GPC6: variants seen among roughly 807,000 people sequenced by gnomAD.
GPC6 encodes glypican-6.
A neutral mutation model predicts 55.2 loss-of-function variants in GPC6; 14 were observed. The ratio of observed to expected loss-of-function variants is 0.25; its 90% CI spans 0.17 to 0.40. GPC6 has a LOEUF of 0.40. Ranked by LOEUF, GPC6 falls within the 10% of genes least tolerant of loss-of-function variation. The pLI is 1.00. For missense variants in GPC6, 641 were observed against 708.5 expected, an observed-to-expected ratio of 0.90 and a Z score of 1.08; for synonymous variants, 278 against 259.6, an observed-to-expected ratio of 1.07 and a Z score of -0.68.
intron 4 of GPC6, among the ~76,000 whole-genome samples, chr13:94,031,642 C>G (rs1883144429): frequency 6.6e-6 from 1 of 152,188 alleles, no homozygotes; most frequent in Admixed American, 6.5e-5. Context: ...TTATCCCAGC[C>G]TAGCTTTTGC....
chr13:93,439,699 T>TAAAATAAAATAAAATAAAATAAAATAAA (rs1566358104), intron 1 of GPC6, among the ~76,000 whole-genome samples: 7 of 136,486 alleles, frequency 5.1e-5, no homozygotes, highest in African/African-American at 2.2e-4. Context: ...ATAAAAAAAA[T>TAAAATAAAATAAAATAAAATAAAATAAA]AAAATAAAAT....
At chr13:93,476,608 T>C (rs1482683904) in intron 1 of GPC6, among the ~76,000 whole-genome samples, 1 of 152,222 alleles carries the variant, frequency 6.6e-6, no homozygotes, top group Non-Finnish European at 1.5e-5. Context: ...TGTTGATTAC[T>C]GTAAGTGCTT....
intron 2 of GPC6, among the ~76,000 whole-genome samples, chr13:93,779,583 C>T (rs187508010): frequency 3.1e-4 from 47 of 152,220 alleles, no homozygotes; most frequent in African/African-American, 9.9e-4. Context: ...TCATGTGATC[C>T]GGGTTCTGTG....
Position 93,967,344 on chromosome 13 carries a change from A to C in GPC6, c.712-60385A>C, listed in dbSNP as rs540414448. On this transcript the variant is annotated intron_variant, in intron 3 of 8. Transcript: ENST00000377047. ...GATTAAAGTATTTGCCACGATGTAC[A>C]AAAGTAGTAGTTTCAATTTTGAATA... 2.0e-5 allele frequency among the ~76,000 whole-genome samples: 3 copies of C among 152,332 alleles called. No individual in the cohort carries two copies. In the East Asian group the frequency reaches 5.8e-4, roughly 29 times the overall value.
chr13:93,706,456 C>T (rs1288914060), intron 2 of GPC6, among the ~76,000 whole-genome samples: 3 of 151,838 alleles, frequency 2.0e-5, no homozygotes, highest in Non-Finnish European at 4.4e-5. Context: ...TGCATGTAAT[C>T]ACTTTAATAA....
intron 1 of GPC6, among the ~76,000 whole-genome samples, chr13:93,231,447 GTAT>G (rs201384982): frequency 0.012 from 1,524 of 125,874 alleles, 19 homozygotes; most frequent in Non-Finnish European, 0.018. Context: ...ATATAGTCTG[GTAT>G]TATTAATCAC....
intron 3 of GPC6, among the ~76,000 whole-genome samples, chr13:93,880,483 C>T (rs187896138): frequency 1.2e-4 from 18 of 152,174 alleles, no homozygotes; most frequent in African/African-American, 3.4e-4. Flanking sequence ...CCAAACACCG[C>T]ATATTCTCAC....
intron 4 of GPC6, among the ~76,000 whole-genome samples, chr13:94,222,984 T>C (rs367968812): frequency 2.0e-5 from 3 of 152,110 alleles, no homozygotes; most frequent in Non-Finnish European, 4.4e-5. Context: ...AACTCTTCTT[T>C]ACTGAATATG....
chr13:93,892,984 T>A (rs1215978664), intron 3 of GPC6, among the ~76,000 whole-genome samples: 1 of 86,824 alleles, frequency 1.2e-5, no homozygotes, highest in Non-Finnish European at 2.9e-5. Flanking sequence ...TTAAAAAGCA[T>A]TTAATGCATA....
intron 4 of GPC6, among the ~76,000 whole-genome samples, chr13:94,185,742 A>G (rs867036367): frequency 6.6e-6 from 1 of 152,154 alleles, no homozygotes; most frequent in African/African-American, 2.4e-5. Flanking sequence ...CGTGGAGCTC[A>G]GTGCTGAAGA....
At chr13:93,961,607 G>T (rs1879779937) in intron 3 of GPC6, among the ~76,000 whole-genome samples, 1 of 152,202 alleles carries the variant, frequency 6.6e-6, no homozygotes, top group Admixed American at 6.5e-5. Flanking sequence ...TCCTTTTAGT[G>T]ATGAAGGGAA....
chr13:93,297,333 T>G (rs929982824), intron 1 of GPC6, among the ~76,000 whole-genome samples: 5 of 152,134 alleles, frequency 3.3e-5, no homozygotes, highest in Non-Finnish European at 7.4e-5. Context: ...GATAAATAGC[T>G]AATGCATGTG....
chr13:94,278,764 C>G (rs540510455), intron 4 of GPC6, among the ~76,000 whole-genome samples: 1 of 152,140 alleles, frequency 6.6e-6, no homozygotes, highest in East Asian at 1.9e-4. Flanking sequence ...GTTGAGCCAG[C>G]CTTGCATCCC....
intron 4 of GPC6, among the ~76,000 whole-genome samples, chr13:94,156,173 C>T (rs1887929708): frequency 6.6e-6 from 1 of 152,032 alleles, no homozygotes; most frequent in Non-Finnish European, 1.5e-5. Context: ...CCAAATGAAA[C>T]AGGGTAAACT....
At chr13:94,330,148 CTCT>C (rs1877334008) in intron 6 of GPC6, among the ~76,000 whole-genome samples, 4 of 152,324 alleles carry the variant, frequency 2.6e-5, no homozygotes, top group South Asian at 4.1e-4. Context: ...CCCACCTTTC[CTCT>C]TCTTCTCTCT....
intron 1 of GPC6, among the ~76,000 whole-genome samples, chr13:93,283,582 G>C (rs1878019474): frequency 6.6e-6 from 1 of 152,050 alleles, no homozygotes. Context: ...TTCATTATTG[G>C]CAAAGAACAA....
chr13:93,947,901 G>A (rs1463412126), intron 3 of GPC6, among the ~76,000 whole-genome samples: 1 of 152,136 alleles, frequency 6.6e-6, no homozygotes, highest in Non-Finnish European at 1.5e-5. Flanking sequence ...CTCCGTGATA[G>A]AAGGGCAGAT....
chr13:93,743,781 C>T (rs1002685807), intron 2 of GPC6, among the ~76,000 whole-genome samples: 1 of 152,020 alleles, frequency 6.6e-6, no homozygotes, highest in African/African-American at 2.4e-5. Context: ...TCAAGAATGT[C>T]TCCCTGTGTA....
intron 1 of GPC6, among the ~76,000 whole-genome samples, chr13:93,325,405 C>T (rs915589025): frequency 2.6e-5 from 4 of 152,102 alleles, no homozygotes; most frequent in Admixed American, 6.5e-5. Context: ...TAATTTATCC[C>T]ACCTTGGTTA....
Sources: allele counts gnomAD v4.1 joint callset (sites outside exome capture counted in the v4.1 genomes callset), GRCh38; gene constraint gnomAD v4.1.1; transcripts MANE v1.5; gene names NCBI Gene and HGNC (gene_info 2026-07-23, HGNC 2026-07-21).